The following ME3 variants were observed in gnomAD, a reference collection of about 807,000 sequenced individuals.
The protein encoded by ME3 is malic enzyme 3, also known as NADP-dependent malic enzyme, mitochondrial.
A neutral mutation model predicts 68.9 loss-of-function variants in ME3; 48 were observed. The observed-to-expected ratio is 0.70, with a 90% confidence interval of 0.55 to 0.89. The LOEUF is 0.89. Ranked by LOEUF, ME3 falls within the 40% of genes least tolerant of loss-of-function variation. The pLI, the probability that ME3 is intolerant of heterozygous loss-of-function variation, is 0.00. For missense variants in ME3, 675 were observed against 797.4 expected, an observed-to-expected ratio of 0.85 and a Z score of 1.85; for synonymous variants, 320 against 318.8, an observed-to-expected ratio of 1.00 and a Z score of -0.04.
At chr11:86,443,052 G>T in intron 13 of ME3, 133 bp from the exon 14 acceptor site, 1 of 626,856 alleles carries the variant, frequency 1.6e-6, no homozygotes, top group Non-Finnish European at 2.8e-6. Context: ...TGTTGACTCT[G>T]TTACCAGGGA....
At chr11:86,657,705 C>T (rs924633592) in intron 2 of ME3, among the ~76,000 whole-genome samples, 2 of 152,142 alleles carry the variant, frequency 1.3e-5, no homozygotes, top group African/African-American at 4.8e-5. Context: ...AGAAAGACTC[C>T]TGAGGTATCA....
chr11:86,599,740 G>A (rs183540044), intron 2 of ME3, among the ~76,000 whole-genome samples: 7,190 of 152,208 alleles, frequency 0.047, 201 homozygotes, highest in Middle Eastern at 0.12. Context: ...CCATCAGACT[G>A]ACAGCGGATC....
At chr11:86,619,245 T>G (rs1943192252) in intron 2 of ME3, among the ~76,000 whole-genome samples, 2 of 152,354 alleles carry the variant, frequency 1.3e-5, no homozygotes, top group Admixed American at 6.5e-5. Flanking sequence ...TTTATAGCAG[T>G]GCAAGAACAG....
chr11:86,579,305 C>G lies in ME3; in HGVS notation c.184-19482G>C, dbSNP rs537458496. Among the ~76,000 whole-genome samples, 30 of 152,312 alleles carry G rather than the reference C, an allele frequency of 2.0e-4. No individual in the cohort carries two copies. In the South Asian group the frequency reaches 4.8e-3, roughly 24 times the overall value. On this transcript the variant is annotated intron_variant, in intron 2 of 14. Coordinates refer to ENST00000543262, the Ensembl canonical transcript of ME3. ...GTACATTTACTAGAGCTCAGGTGTGCAGGTCCAAACTTGCCCATGAGAGGC... is the reference window on the plus strand; with the variant it reads ...GTACATTTACTAGAGCTCAGGTGTGGAGGTCCAAACTTGCCCATGAGAGGC...
At chr11:86,617,143 AT>A (rs1041961218) in intron 2 of ME3, among the ~76,000 whole-genome samples, 1 of 123,304 alleles carries the variant, frequency 8.1e-6, no homozygotes, top group Non-Finnish European at 1.6e-5. Flanking sequence ...TCTGGCATTT[AT>A]TACTGCTGAG....
At chr11:86,634,034 A>C (rs1594738196) in intron 2 of ME3, among the ~76,000 whole-genome samples, 1 of 152,140 alleles carries the variant, frequency 6.6e-6, no homozygotes, top group Admixed American at 6.5e-5. Context: ...GATATGTTCC[A>C]TTAATTGAGT....
chr11:86,510,564 T>G (rs1458788199), intron 4 of ME3, among the ~76,000 whole-genome samples: 1 of 152,216 alleles, frequency 6.6e-6, no homozygotes, highest in African/African-American at 2.4e-5. Flanking sequence ...TTCTCACCTT[T>G]GGCACTATTG....
At chr11:86,436,821 A>C (rs951824138), downstream of ME3, 1 of 152,182 alleles carries the variant, frequency 6.6e-6, no homozygotes, top group African/African-American at 2.4e-5. Context: ...AGTAATTTTG[A>C]TTAAATTAGT....
intron 2 of ME3, among the ~76,000 whole-genome samples, chr11:86,613,101 G>T (rs546208146): frequency 1.3e-5 from 2 of 152,178 alleles, no homozygotes; most frequent in South Asian, 4.2e-4. Context: ...GAAAGGAAGG[G>T]GTCCAGTTTC....
At chr11:86,439,259 G>A (rs541732933), downstream of ME3, among the ~76,000 whole-genome samples, 52 of 152,282 alleles carry the variant, frequency 3.4e-4, 1 homozygote, top group African/African-American at 1.3e-3. Flanking sequence ...AAGCTATAAA[G>A]TTTCTCTCTA....
intron 8 of ME3, among the ~76,000 whole-genome samples, chr11:86,464,801 G>A (rs1950396536): frequency 6.6e-6 from 1 of 152,218 alleles, no homozygotes; most frequent in African/African-American, 2.4e-5. Context: ...TGTTTAACTT[G>A]CTAGTGAATT....
At chr11:86,596,945 A>G (rs1959586870) in intron 2 of ME3, among the ~76,000 whole-genome samples, 1 of 152,206 alleles carries the variant, frequency 6.6e-6, no homozygotes, top group South Asian at 2.1e-4. Context: ...AGTCAAATTC[A>G]GCAAAGGAAA....
intron 4 of ME3, among the ~76,000 whole-genome samples, chr11:86,513,481 C>T (rs1953681580): frequency 6.6e-6 from 1 of 152,198 alleles, no homozygotes; most frequent in South Asian, 2.1e-4. Flanking sequence ...GGTGAAGTCA[C>T]TTGTCCAAGG....
chr11:86,509,730 A>C (rs1162511254), intron 4 of ME3, among the ~76,000 whole-genome samples: 1 of 149,660 alleles, frequency 6.7e-6, no homozygotes, highest in Admixed American at 6.8e-5. Flanking sequence ...GCTGACCACT[A>C]AACTATGCAC....
At chr11:86,442,044 C>T (rs539754240) in intron 14 of ME3, among the ~76,000 whole-genome samples, 1 of 152,294 alleles carries the variant, frequency 6.6e-6, no homozygotes, top group African/African-American at 2.4e-5. Context: ...TTGTACGATG[C>T]ATTTTCTGAA....
intron 2 of ME3, among the ~76,000 whole-genome samples, chr11:86,563,253 G>A (rs181368400): frequency 4.6e-5 from 7 of 152,166 alleles, no homozygotes; most frequent in South Asian, 2.1e-4. Flanking sequence ...GCTGCTTTCC[G>A]TAGTGGCTGG....
chr11:86,479,873 G>T (rs1951295761), intron 7 of ME3, among the ~76,000 whole-genome samples: 2 of 150,746 alleles, frequency 1.3e-5, no homozygotes, highest in South Asian at 4.2e-4. Flanking sequence ...GGAGTGCAGT[G>T]GTGCCATCTC....
chr11:86,644,203 G>A (rs934553128), intron 2 of ME3, among the ~76,000 whole-genome samples: 14 of 152,130 alleles, frequency 9.2e-5, no homozygotes, highest in East Asian at 3.9e-4. Context: ...TAATCTGACC[G>A]CTCCTGCCTC....
chr11:86,570,956 C>G (rs991967208), intron 2 of ME3, among the ~76,000 whole-genome samples: 2 of 152,220 alleles, frequency 1.3e-5, no homozygotes, highest in Non-Finnish European at 2.9e-5. Flanking sequence ...TACTTGACTT[C>G]TCTGACTCTG....
Sources: gnomAD v4.1 joint callset for allele counts (sites outside exome capture counted in the v4.1 genomes callset) on GRCh38, gnomAD v4.1.1 for gene constraint, MANE v1.5 for transcripts, NCBI Gene and HGNC (gene_info 2026-07-23, HGNC 2026-07-21) for gene names.